Variants in ADAMTS16 observed in about 807,000 individuals in gnomAD.
ADAMTS16 encodes ADAM metallopeptidase with thrombospondin type 1 motif 16.
In ADAMTS16, 94 loss-of-function variants were observed where a neutral mutation model predicts 145.8. The observed-to-expected ratio is 0.64, with a 90% CI of 0.55 to 0.77. ADAMTS16 has a LOEUF of 0.77. Among genes scored for constraint, ADAMTS16 ranks in the 30% least tolerant of loss-of-function variants. The probability of loss-of-function intolerance (pLI) is 0.00; values close to 1 mark genes in which losing one functional copy is unlikely to be tolerated. For missense variants in ADAMTS16, 1,585 were observed against 1,591.5 expected (o/e 1.00, Z 0.07); for synonymous variants, 659 against 604.3 (o/e 1.09, Z -1.33).
At chr5:5,237,384 T>C (rs898615429) in intron 14 of ADAMTS16, among the ~76,000 whole-genome samples, 4 of 152,046 alleles carry the variant, frequency 2.6e-5, no homozygotes, top group African/African-American at 9.7e-5. Flanking sequence ...CCAAGCTAGA[T>C]CTGAAAGGGT....
intron 3 of ADAMTS16, among the ~76,000 whole-genome samples, chr5:5,152,653 G>A (rs944902784): frequency 1.3e-5 from 2 of 152,194 alleles, no homozygotes; most frequent in African/African-American, 4.8e-5. Context: ...AACCTCTGTT[G>A]CATTTAGCTG....
chr5:5,293,529 G>C (rs71596751), intron 18 of ADAMTS16, among the ~76,000 whole-genome samples: 2 of 152,094 alleles, frequency 1.3e-5, no homozygotes, highest in African/African-American at 4.8e-5. Flanking sequence ...ACCCCAGGCC[G>C]GGTTTCAGGA....
intron 22 of ADAMTS16, 21 bp from the exon 23 acceptor site, chr5:5,319,002 T>C: frequency 2.5e-6 from 4 of 1,569,878 alleles, no homozygotes; most frequent in Middle Eastern, 1.7e-4. Flanking sequence ...CGCTGAGTAA[T>C]GCAGCTCTGC....
chr5:5,186,140 C>G lies in ADAMTS16; in HGVS notation c.852C>G (p.Ser284=). ...CLRHKRSLLR[S]HRNEELNVET... is the part of the protein sequence containing the mutation. ...GGCATAAGCGCTCTCTTCTGAGGTC[C>G]CATAGAAATGAAGAACTGAACGTGG... The change falls in exon 5 of 23, where the codon TCC becomes TCG. Residue 284 remains serine, a synonymous_variant. Coordinates refer to ENST00000274181, the MANE Select transcript of ADAMTS16 (RefSeq NM_139056.4). 1.2e-6 allele frequency: 2 copies of G among 1,614,064 alleles called. No homozygotes were observed. Among genetic ancestry groups the G allele is most frequent in the Non-Finnish European group, 1.7e-6 (2 of 1,180,018 alleles).
chr5:5,191,641 A>G, intron 7 of ADAMTS16, 44 bp from the exon 8 acceptor site: 1 of 1,493,262 alleles, frequency 6.7e-7, no homozygotes, highest in African/African-American at 1.4e-5. Flanking sequence ...GCTTTATTTT[A>G]TTACAACACC....
intron 18 of ADAMTS16, among the ~76,000 whole-genome samples, chr5:5,272,013 A>G (rs1469063545): frequency 6.6e-6 from 1 of 152,184 alleles, no homozygotes; most frequent in African/African-American, 2.4e-5. Flanking sequence ...TCTCCTATAG[A>G]AACACTTGCA....
chr5:5,300,128 C>T (rs1204814003), intron 18 of ADAMTS16, among the ~76,000 whole-genome samples: 2 of 152,110 alleles, frequency 1.3e-5, no homozygotes, highest in African/African-American at 2.4e-5. Context: ...GAAGACTTAA[C>T]GAGGCGGTGT....
At chr5:5,168,714 A>G (rs1263045428) in intron 3 of ADAMTS16, among the ~76,000 whole-genome samples, 1 of 137,718 alleles carries the variant, frequency 7.3e-6, no homozygotes, top group Non-Finnish European at 1.5e-5. Context: ...TATAATAATT[A>G]TAATTTTATA....
intron 10 of ADAMTS16, among the ~76,000 whole-genome samples, chr5:5,215,893 T>C (rs1410400257): frequency 7.5e-6 from 1 of 133,672 alleles, no homozygotes; most frequent in African/African-American, 2.9e-5. Context: ...TATATATATA[T>C]ATATATATAT....
At chr5:5,166,810 G>T (rs1263069264) in intron 3 of ADAMTS16, among the ~76,000 whole-genome samples, 2 of 152,144 alleles carry the variant, frequency 1.3e-5, no homozygotes, top group African/African-American at 2.4e-5. Context: ...ATTATTAATT[G>T]GTGAAAGTAT....
At chr5:5,228,213 T>A (rs1420616809) in intron 11 of ADAMTS16, among the ~76,000 whole-genome samples, 1 of 152,228 alleles carries the variant, frequency 6.6e-6, no homozygotes, top group African/African-American at 2.4e-5. Flanking sequence ...GAAGAATTAT[T>A]TCAAGAGACT....
At position 5,228,773 on chromosome 5, in the gene ADAMTS16, G is replaced by A. The variant is rs1240824056; in HGVS notation, c.1702-3595G>A. Among the ~76,000 whole-genome samples the A allele has an allele frequency of 5.9e-5, 9 of 152,092 alleles. 1 individual carries two copies. Among genetic ancestry groups the A allele is most frequent in the East Asian group, 1.9e-4 (1 of 5,184 alleles). On this transcript the variant is annotated intron_variant, in intron 11 of 22. Transcript: ENST00000274181. ...TAGAAGCAAAATTTATTCAAGACCCGTGCTAGCATTCTTAGATATCTGCTA... is the reference window on the plus strand; with the variant it reads ...TAGAAGCAAAATTTATTCAAGACCCATGCTAGCATTCTTAGATATCTGCTA...
At chr5:5,318,367 T>C in intron 22 of ADAMTS16, 86 bp downstream of exon 22, 4 of 1,265,570 alleles carry the variant, frequency 3.2e-6, no homozygotes, top group Non-Finnish European at 4.1e-6. Context: ...GGCCTGGAGT[T>C]AGGGTCTTGC....
chr5:5,202,793 T>C (rs1735997544), intron 9 of ADAMTS16, among the ~76,000 whole-genome samples: 1 of 152,198 alleles, frequency 6.6e-6, no homozygotes, highest in African/African-American at 2.4e-5. Context: ...GGATTATAAT[T>C]TGGGTGTGTA....
intron 18 of ADAMTS16, among the ~76,000 whole-genome samples, chr5:5,292,757 A>G (rs1739384153): frequency 6.6e-6 from 1 of 152,012 alleles, no homozygotes; most frequent in African/African-American, 2.4e-5. Context: ...TGCTGTCACC[A>G]TAACCTTTCA....
At chr5:5,187,116 C>T (rs756577971) in intron 5 of ADAMTS16, among the ~76,000 whole-genome samples, 14 of 152,334 alleles carry the variant, frequency 9.2e-5, no homozygotes, top group East Asian at 1.9e-4. Context: ...GCTGCTCTGA[C>T]GCGTGGAAGT....
At chr5:5,277,486 A>G (rs886294961) in intron 18 of ADAMTS16, among the ~76,000 whole-genome samples, 1 of 152,162 alleles carries the variant, frequency 6.6e-6, no homozygotes, top group African/African-American at 2.4e-5. Context: ...CAGTCATCAT[A>G]AAGGAAGACC....
chr5:5,256,119 A>G (rs922767006), intron 17 of ADAMTS16, among the ~76,000 whole-genome samples: 6 of 152,184 alleles, frequency 3.9e-5, no homozygotes, highest in Admixed American at 1.3e-4. Flanking sequence ...TTTCCTAATT[A>G]TATACTTACC....
intron 18 of ADAMTS16, among the ~76,000 whole-genome samples, chr5:5,275,465 A>G (rs1738650465): frequency 6.6e-6 from 1 of 152,124 alleles, no homozygotes; most frequent in Non-Finnish European, 1.5e-5. Context: ...TATTTATTTA[A>G]ATCTGTTATG....
Sources: allele counts gnomAD v4.1 joint callset (sites outside exome capture counted in the v4.1 genomes callset), GRCh38; gene constraint gnomAD v4.1.1; transcripts MANE v1.5; gene names NCBI Gene and HGNC (gene_info 2026-07-23, HGNC 2026-07-21).